Variants in PCDH9 observed in about 807,000 individuals in gnomAD.
PCDH9 encodes protocadherin-9.
Under a neutral mutation model 70.6 loss-of-function variants are expected in PCDH9, and 24 were observed. The ratio of observed to expected loss-of-function variants is 0.34; its 90% CI spans 0.25 to 0.48. The LOEUF (loss-of-function observed/expected upper bound fraction) is 0.48, where lower values mean the gene tolerates loss of function less well. Ranked by LOEUF, PCDH9 falls within the 20% of genes least tolerant of loss-of-function variation. The pLI, the probability that PCDH9 is intolerant of heterozygous loss-of-function variation, is 0.99. For missense variants in PCDH9, 1,281 were observed against 1,503.6 expected (o/e 0.85, Z 2.45); for synonymous variants, 562 against 558.5 (o/e 1.01, Z -0.09).
chr13:66,837,995 A>C (rs1221333026), intron 3 of PCDH9, among the ~76,000 whole-genome samples: 3 of 152,196 alleles, frequency 2.0e-5, no homozygotes, highest in African/African-American at 7.2e-5. Context: ...AATATAAAGA[A>C]AAAAATTTAA....
intron 2 of PCDH9, among the ~76,000 whole-genome samples, chr13:66,950,582 T>C (rs567895545): frequency 1.4e-4 from 22 of 152,166 alleles, no homozygotes; most frequent in African/African-American, 5.1e-4. Flanking sequence ...ATTAGGCCAT[T>C]GCATATATTT....
At chr13:66,695,667 T>G (rs2146742) in intron 3 of PCDH9, among the ~76,000 whole-genome samples, 149,424 of 152,208 alleles carry the variant, frequency 0.98, 73,397 homozygotes, top group East Asian at 1. Flanking sequence ...TTCCTAACTG[T>G]ATCCTGAAAA....
intron 2 of PCDH9, among the ~76,000 whole-genome samples, chr13:66,943,169 T>A (rs752437528): frequency 8.5e-5 from 13 of 152,058 alleles, no homozygotes; most frequent in Non-Finnish European, 1.5e-4. Flanking sequence ...GTTACCTTCA[T>A]ATGCAATATT....
chr13:67,034,542 C>T lies in PCDH9; in HGVS notation c.3037-130937G>A, dbSNP rs374231756. ...ACAAACCAATGTACATTGTATAATA[C>T]GGATCTATATTTTACTCACTGCGCT... On this transcript the variant is annotated intron_variant, in intron 2 of 4. Transcript: ENST00000377865. Among the ~76,000 whole-genome samples the T allele has an allele frequency of 1.2e-3, 179 of 152,164 alleles. 1 individual carries two copies. Among genetic ancestry groups the T allele is most frequent in the African/African-American group, 3.8e-3 (156 of 41,508 alleles).
intron 2 of PCDH9, among the ~76,000 whole-genome samples, chr13:67,074,194 C>G (rs893127809): frequency 6.6e-6 from 1 of 151,988 alleles, no homozygotes; most frequent in Non-Finnish European, 1.5e-5. Context: ...AATTCTTCCT[C>G]AAGGTAATGG....
At chr13:66,937,819 C>A (rs1413852510) in intron 2 of PCDH9, among the ~76,000 whole-genome samples, 1 of 42,448 alleles carries the variant, frequency 2.4e-5, no homozygotes. Context: ...CATCACTTTA[C>A]CTTTTTTTTT....
chr13:67,142,253 G>T (rs1445462638), intron 2 of PCDH9, among the ~76,000 whole-genome samples: 1 of 152,084 alleles, frequency 6.6e-6, no homozygotes, highest in East Asian at 1.9e-4. Flanking sequence ...AATTTTAATA[G>T]ACTTTTATCT....
At chr13:67,151,578 T>C (rs917113420) in intron 2 of PCDH9, among the ~76,000 whole-genome samples, 2 of 152,148 alleles carry the variant, frequency 1.3e-5, no homozygotes. Context: ...TCCAACACTG[T>C]TAGAGTTAGA....
chr13:66,574,324 T>C (rs1593707339), intron 4 of PCDH9, among the ~76,000 whole-genome samples: 1 of 152,154 alleles, frequency 6.6e-6, no homozygotes, highest in African/African-American at 2.4e-5. Context: ...GCTTCCACAA[T>C]CTCATTTCTC....
chr13:67,217,812 C>G (rs1016976463), intron 2 of PCDH9: 4 of 151,922 alleles, frequency 2.6e-5, no homozygotes, highest in Non-Finnish European at 4.4e-5. Flanking sequence ...AGAGTTTCTT[C>G]TTAGGAGAAA....
chr13:66,337,112 T>C (rs866070188), intron 4 of PCDH9, among the ~76,000 whole-genome samples: 10 of 152,028 alleles, frequency 6.6e-5, no homozygotes, highest in African/African-American at 2.4e-4. Context: ...TGTGATGAGT[T>C]TGCTTATAAA....
chr13:66,388,341 T>C (rs934013619), intron 4 of PCDH9, among the ~76,000 whole-genome samples: 1 of 152,118 alleles, frequency 6.6e-6, no homozygotes, highest in Non-Finnish European at 1.5e-5. Context: ...GTGAACTGAT[T>C]TTAGTTTTTT....
chr13:66,879,303 A>C (rs1009094656), intron 3 of PCDH9, among the ~76,000 whole-genome samples: 21 of 152,208 alleles, frequency 1.4e-4, no homozygotes, highest in African/African-American at 5.1e-4. Flanking sequence ...ACAAACAAAT[A>C]CAAATCTTAA....
At chr13:66,737,343 T>A (rs1443935637) in intron 3 of PCDH9, among the ~76,000 whole-genome samples, 1 of 152,216 alleles carries the variant, frequency 6.6e-6, no homozygotes, top group Non-Finnish European at 1.5e-5. Flanking sequence ...AGACCACTGG[T>A]TCTTGAAACT....
intron 3 of PCDH9, among the ~76,000 whole-genome samples, chr13:66,812,053 C>A (rs2080518503): frequency 6.6e-6 from 1 of 152,034 alleles, no homozygotes; most frequent in African/African-American, 2.4e-5. Flanking sequence ...AATTTGTAGT[C>A]TTTTATACCT....
At chr13:66,374,364 G>A (rs1398948197) in intron 4 of PCDH9, among the ~76,000 whole-genome samples, 1 of 151,828 alleles carries the variant, frequency 6.6e-6, no homozygotes, top group Non-Finnish European at 1.5e-5. Flanking sequence ...AGAGGAGATA[G>A]GAAAAATGAG....
At chr13:66,927,624 A>G (rs2082737602) in intron 2 of PCDH9, among the ~76,000 whole-genome samples, 1 of 152,048 alleles carries the variant, frequency 6.6e-6, no homozygotes, top group Non-Finnish European at 1.5e-5. Flanking sequence ...AGGTATAGAC[A>G]GGGTTAGATT....
chr13:66,571,427 T>C (rs925838389), intron 4 of PCDH9, among the ~76,000 whole-genome samples: 1 of 151,984 alleles, frequency 6.6e-6, no homozygotes, highest in African/African-American at 2.4e-5. Flanking sequence ...ATAATGGCCA[T>C]AGATTGAATG....
intron 4 of PCDH9, among the ~76,000 whole-genome samples, chr13:66,524,963 G>C (rs1407448127): frequency 1.3e-5 from 2 of 151,984 alleles, no homozygotes; most frequent in African/African-American, 4.8e-5. Context: ...AAAATCTTGA[G>C]TGATGTGTGT....
Sources: gnomAD v4.1 joint callset for allele counts (sites outside exome capture counted in the v4.1 genomes callset) on GRCh38, gnomAD v4.1.1 for gene constraint, MANE v1.5 for transcripts, NCBI Gene and HGNC (gene_info 2026-07-23, HGNC 2026-07-21) for gene names.